KCNN2: variants seen among roughly 807,000 people sequenced by gnomAD.
The protein encoded by KCNN2 is small conductance calcium-activated potassium channel protein 2.
In KCNN2, 24 loss-of-function variants were observed where a neutral mutation model predicts 55.5. The ratio of observed to expected loss-of-function variants is 0.43; its 90% CI spans 0.31 to 0.61. The LOEUF is 0.61. KCNN2 is among the 20% of genes least tolerant of loss of function. The probability of loss-of-function intolerance (pLI) is 0.08; values close to 1 mark genes in which losing one functional copy is unlikely to be tolerated. For synonymous variants in KCNN2, 431 were observed against 336.1 expected, an observed-to-expected ratio of 1.28 and a Z score of -3.09; for missense variants, 754 against 853.6, an observed-to-expected ratio of 0.88 and a Z score of 1.45.
chr5:114,219,393 A>G (rs1754083269), intron 1 of KCNN2, among the ~76,000 whole-genome samples: 1 of 152,122 alleles, frequency 6.6e-6, no homozygotes, highest in Non-Finnish European at 1.5e-5. Flanking sequence ...GAAGGACGGT[A>G]AATGTGGGGG....
At chr5:114,261,539 C>T (rs1301115671) in intron 2 of KCNN2, among the ~76,000 whole-genome samples, 2 of 152,192 alleles carry the variant, frequency 1.3e-5, no homozygotes, top group African/African-American at 4.8e-5. Flanking sequence ...GGGCCAGAAC[C>T]TTACCACACT....
intron 1 of KCNN2, among the ~76,000 whole-genome samples, chr5:114,215,687 G>A (rs545487252): frequency 6.6e-6 from 1 of 152,210 alleles, no homozygotes; most frequent in South Asian, 2.1e-4. Flanking sequence ...CTGGACACCT[G>A]CCTCTGGGAA....
intron 2 of KCNN2, among the ~76,000 whole-genome samples, chr5:114,310,158 G>A (rs1756366990): frequency 6.6e-6 from 1 of 152,088 alleles, no homozygotes; most frequent in Non-Finnish European, 1.5e-5. Context: ...TTTCACCAGT[G>A]AAATCCTTCT....
intron 1 of KCNN2, among the ~76,000 whole-genome samples, chr5:114,060,785 A>T (rs931343505): frequency 6.6e-6 from 1 of 152,256 alleles, no homozygotes; most frequent in African/African-American, 2.4e-5. Context: ...TTTCTAGTGT[A>T]GTGCCTGGCA....
intron 2 of KCNN2, among the ~76,000 whole-genome samples, chr5:114,280,750 AG>A (rs1755607494): frequency 6.6e-6 from 1 of 152,144 alleles, no homozygotes; most frequent in African/African-American, 2.4e-5. Flanking sequence ...CTAAACACTC[AG>A]AGTGACCCTT....
rs905918300 is a variant in KCNN2 at position 114,362,256 on chromosome 5, G to A, written c.117G>A (p.Pro39=). 5.9e-6 allele frequency: 1 copy of A among 169,390 alleles called. No individual in the cohort carries two copies. The highest frequency in any genetic ancestry group is 1.4e-4 in the South Asian group (1 of 7,122). 10.5% of individuals were successfully genotyped at this position (169,390 alleles called of 1,614,324 possible). A position where few individuals can be genotyped will look rare whatever the true frequency, so the allele number is the denominator to read the frequency against. Residue 39 remains proline (P), a synonymous_variant, in exon 1 of 8, where the codon CCG becomes CCA. Coordinates refer to ENST00000673685, the MANE Select transcript of KCNN2 (RefSeq NM_021614.4). The part of the protein sequence containing the change: ...QQQQSQDKPC[P]PFAPLPHPHH... ...AACAGAGCCAGGACAAGCCGTGCCC[G>A]CCCTTCGCGCCCCTCCCGCACCCTC...
At chr5:114,183,579 A>G (rs188137159) in intron 1 of KCNN2, among the ~76,000 whole-genome samples, 138 of 152,214 alleles carry the variant, frequency 9.1e-4, no homozygotes, top group African/African-American at 3.2e-3. Flanking sequence ...AGTAAGTTGT[A>G]TATTTGAAGA....
chr5:114,286,484 T>TA (rs546883907), intron 2 of KCNN2, among the ~76,000 whole-genome samples: 3 of 151,952 alleles, frequency 2.0e-5, no homozygotes, highest in South Asian at 2.1e-4. Flanking sequence ...AGAAGAATGT[T>TA]AAAAAAAAGA....
rs981650538 is a variant in KCNN2, at chr5:114,109,012, C to T, written c.-271+52512C>T. 5.3e-5 allele frequency among the ~76,000 whole-genome samples: 8 copies of T among 151,608 alleles called. 1 individual carries two copies. Among genetic ancestry groups the T allele is most frequent in the Admixed American group, 5.3e-4 (8 of 15,196 alleles). On this transcript the variant is annotated intron_variant, in intron 1 of 10. Transcript: ENST00000512097. Reference sequence around the variant, plus strand: ...GTTTATGAGAGTTGCTGTTGCTTTACATTCTCACCAATTTGGTGTTGTGCC... The same window carrying T: ...GTTTATGAGAGTTGCTGTTGCTTTATATTCTCACCAATTTGGTGTTGTGCC...
intron 1 of KCNN2, among the ~76,000 whole-genome samples, chr5:114,082,789 T>A (rs1431652015): frequency 1.3e-5 from 2 of 152,194 alleles, no homozygotes; most frequent in Non-Finnish European, 2.9e-5. Context: ...GACATTATGC[T>A]AAGTGAAATA....
At chr5:114,106,181 A>ATT in intron 1 of KCNN2, among the ~76,000 whole-genome samples, 1 of 143,536 alleles carries the variant, frequency 7.0e-6, no homozygotes, top group South Asian at 2.2e-4. Context: ...TTTTTCAGCT[A>ATT]TTTTTTTTTT....
chr5:114,492,389 T>C (rs897288335), intron 6 of KCNN2, among the ~76,000 whole-genome samples: 6 of 152,174 alleles, frequency 3.9e-5, no homozygotes, highest in African/African-American at 1.4e-4. Context: ...CAAAATAAGA[T>C]TGGCATGACT....
intron 1 of KCNN2, among the ~76,000 whole-genome samples, chr5:114,093,015 C>T (rs1408451981): frequency 2.0e-5 from 3 of 152,180 alleles, no homozygotes; most frequent in Admixed American, 6.5e-5. Flanking sequence ...TCTGCAGCTG[C>T]TTGAATTTCT....
intron 2 of KCNN2, among the ~76,000 whole-genome samples, chr5:114,294,325 C>T (rs1001941651): frequency 6.6e-6 from 1 of 151,924 alleles, no homozygotes; most frequent in African/African-American, 2.4e-5. Context: ...CTCTTGTGGG[C>T]ATTTAGTGCT....
Position 114,158,841 on chromosome 5 carries a change from G to T in KCNN2, c.-270-62639G>T, listed in dbSNP as rs534174226. Among the ~76,000 whole-genome samples the T allele has an allele frequency of 1.5e-4, 23 of 152,180 alleles. No individual in the cohort carries two copies. In the East Asian group the frequency reaches 4.4e-3, roughly 29 times the overall value. ...GTGTATAAGAATGCTTGTGATTTTTGCACATTGGTTTTATATCCTGAGACT... is the reference window on the plus strand; with the variant it reads ...GTGTATAAGAATGCTTGTGATTTTTTCACATTGGTTTTATATCCTGAGACT... On this transcript the variant is annotated intron_variant, in intron 1 of 10. Transcript: ENST00000512097.
chr5:114,478,689 T>TAACA (rs1439236485), intron 5 of KCNN2, among the ~76,000 whole-genome samples: 1 of 152,124 alleles, frequency 6.6e-6, no homozygotes, highest in African/African-American at 2.4e-5. Flanking sequence ...CCCGTCTGAC[T>TAACA]AACAGTAGAC....
intron 1 of KCNN2, among the ~76,000 whole-genome samples, chr5:114,150,847 C>G (rs532579862): frequency 2.0e-5 from 3 of 152,082 alleles, no homozygotes; most frequent in African/African-American, 4.8e-5. Flanking sequence ...CATGGAGAAA[C>G]CTCATCTCTA....
At chr5:114,413,397 G>C (rs1759195610) in intron 3 of KCNN2, among the ~76,000 whole-genome samples, 1 of 152,242 alleles carries the variant, frequency 6.6e-6, no homozygotes, top group East Asian at 1.9e-4. Context: ...CGATTCTCCT[G>C]CCTCAGCCTC....
intron 2 of KCNN2, among the ~76,000 whole-genome samples, chr5:114,241,689 C>T (rs1176394972): frequency 9.9e-5 from 12 of 121,782 alleles, no homozygotes; most frequent in Non-Finnish European, 1.4e-4. Flanking sequence ...ATAAAATTTA[C>T]GAGAATATAT....
Sources: allele counts gnomAD v4.1 joint callset (sites outside exome capture counted in the v4.1 genomes callset), GRCh38; gene constraint gnomAD v4.1.1; transcripts MANE v1.5; gene names NCBI Gene and HGNC (gene_info 2026-07-23, HGNC 2026-07-21).